The following ACAD10 variants were observed in gnomAD, a reference collection of about 807,000 sequenced individuals.
The protein encoded by ACAD10 is ACAD-10.
A neutral mutation model predicts 116.8 loss-of-function variants in ACAD10; 112 were observed. That is an observed-to-expected ratio of 0.96 (90% CI 0.82 to 1.12). ACAD10 has a LOEUF of 1.12. ACAD10 is among the 50% of genes most tolerant of loss of function. ACAD10 has a pLI of 0.00. For synonymous variants in ACAD10, 486 were observed against 510.6 expected (o/e 0.95, Z 0.65); for missense variants, 1,259 against 1,350.2 (o/e 0.93, Z 1.06).
intron 8 of ACAD10, among the ~76,000 whole-genome samples, chr12:111,722,926 C>T (rs1379408603): frequency 7.3e-5 from 11 of 151,392 alleles, no homozygotes; most frequent in African/African-American, 2.2e-4. Flanking sequence ...GGGTGGTGGC[C>T]GGGCAGAGGG....
Position 111,712,587 on chromosome 12 carries a change from A to G in ACAD10, c.780A>G (p.Lys260=). The change falls in exon 6 of 21, where the codon AAA becomes AAG. Residue 260 remains lysine (K), a synonymous_variant. Transcript: ENST00000313698. Reference sequence around the variant, plus strand: ...GTGTTCCAAACACTCGGCCTGTGAAAAAGACGATGGAAATTCCGAAAGATT... The same window carrying G: ...GTGTTCCAAACACTCGGCCTGTGAAGAAGACGATGGAAATTCCGAAAGATT... ...RVGVPNTRPV[K]KTMEIPKDSL... is the part of the protein sequence containing the mutation. 1 of 1,614,184 alleles carries G rather than the reference A, an allele frequency of 6.2e-7. No homozygotes were observed. The highest frequency in any genetic ancestry group is 1.3e-5 in the African/African-American group (1 of 75,060).
At position 111,715,859 on chromosome 12, in the gene ACAD10, A is replaced by C. The variant is rs772975056; in HGVS notation, c.889A>C (p.Asn297His). The change falls in exon 7 of 21, where the codon AAT becomes CAT. Residue 297 changes from asparagine (N) to histidine (H), a missense_variant. By Grantham distance (68) the Asn-to-His change is moderately conservative. Transcript: ENST00000313698. ...ACTTCAGTTTGATCACGGGCAGTCA[A>C]ATCCAACTTACTACATCAGGCTGGC... ...ELLQFDHGQS[N>H]PTYYIRLANR... 1.2e-5 allele frequency: 20 copies of C among 1,614,016 alleles called. No individual in the cohort carries two copies. The highest frequency in any genetic ancestry group is 1.7e-5 in the Non-Finnish European group (20 of 1,180,040).
In ACAD10 at chr12:111,746,182, A is replaced by C. The variant is rs1460405339; in HGVS notation, c.2154A>C (p.Leu718=). The change falls in exon 14 of 21, where the codon CTA becomes CTC. Residue 718 remains leucine, a synonymous_variant. Coordinates refer to ENST00000313698, the MANE Select transcript of ACAD10 (RefSeq NM_025247.6). The stretch of plus-strand genomic sequence containing the variant: ...CTGAAGGACTTTGGAACCTTTTCCT[A>C]CCCTTAGAGGCTGATCCCGAGAAAA... ...AKAEGLWNLF[L]PLEADPEKKY... is the part of the protein sequence containing the mutation. 2.5e-6 allele frequency: 4 copies of C among 1,613,744 alleles called. No homozygotes were observed. Among genetic ancestry groups the C allele is most frequent in the African/African-American group, 2.7e-5 (2 of 74,852 alleles).
At chr12:111,746,921 G>A in intron 14 of ACAD10, 128 bp from the exon 15 acceptor site, 2 of 1,279,826 alleles carry the variant, frequency 1.6e-6, no homozygotes, top group Admixed American at 5.1e-5. Context: ...GATGGCTTGA[G>A]CTGAGGAAGT....
At chr12:111,732,525 CA>C (rs1889418623) in intron 10 of ACAD10, among the ~76,000 whole-genome samples, 1 of 152,056 alleles carries the variant, frequency 6.6e-6, no homozygotes, top group Non-Finnish European at 1.5e-5. Context: ...GCAAATGTAA[CA>C]AAAAAGCACG....
intron 17 of ACAD10, chr12:111,748,790 C>A (rs963669212): frequency 1.1e-5 from 6 of 554,622 alleles, no homozygotes; most frequent in African/African-American, 9.4e-5. Flanking sequence ...CCAGTGTGAA[C>A]AGCTGACCTC....
At chr12:111,687,614 A>G (rs1019857784) in intron 1 of ACAD10, among the ~76,000 whole-genome samples, 3 of 152,188 alleles carry the variant, frequency 2.0e-5, no homozygotes, top group Admixed American at 2.0e-4. Context: ...CTTTTTTAGT[A>G]TATTACTATA....
At chr12:111,743,017 T>C (rs1467169913) in intron 12 of ACAD10, among the ~76,000 whole-genome samples, 1 of 151,974 alleles carries the variant, frequency 6.6e-6, no homozygotes, top group African/African-American at 2.4e-5. Flanking sequence ...TAAAATGAAA[T>C]CATTTAAAAA....
At chr12:111,718,036 C>CTTTTTGTTTTTTTT (rs1888894597) in intron 7 of ACAD10, among the ~76,000 whole-genome samples, 1 of 63,680 alleles carries the variant, frequency 1.6e-5, no homozygotes, top group South Asian at 7.1e-4. Flanking sequence ...TAGTGATATC[C>CTTTTTGTTTTTTTT]TTTTTTTTTT....
intron 15 of ACAD10, 45 bp from the exon 16 acceptor site, chr12:111,747,250 G>T (rs1461627727): frequency 1.2e-6 from 2 of 1,613,106 alleles, no homozygotes; most frequent in African/African-American, 1.3e-5. Flanking sequence ...CAGGGAACAC[G>T]GGCTGTCTGC....
rs544536117 is a variant in ACAD10, at chr12:111,705,718, G to A, written c.337-20G>A. On this transcript the variant is annotated intron_variant, in intron 3 of 20. Coordinates refer to ENST00000313698, the MANE Select transcript of ACAD10 (RefSeq NM_025247.6). The stretch of plus-strand genomic sequence containing the variant: ...CACTCTTAATGATTGCTGTTCTCCT[G>A]TGCCCTCTCCTGTTCTTAGTTAAAG... 2.8e-5 allele frequency: 45 copies of A among 1,606,128 alleles called. No homozygotes were observed. The East Asian group carries it at 9.2e-4, about 33-fold the overall frequency.
rs1318713479 is a variant in ACAD10 at position 111,745,025 on chromosome 12, A to C, written c.2097A>C (p.Pro699=). The C allele has an allele frequency of 1.9e-6, 3 of 1,613,418 alleles. No individual in the cohort carries two copies. Among genetic ancestry groups the C allele is most frequent in the South Asian group, 1.1e-5 (1 of 91,082 alleles). The stretch of plus-strand genomic sequence containing the variant: ...CAGCAGCCAGGTGGAGCCCCTCCCC[A>C]CTGATCGAAGACCTCAAGGTAAAGC... ...QASAARWSPS[P]LIEDLKEKAK... is the part of the protein sequence containing the mutation. Residue 699 remains proline (P), a synonymous_variant, in exon 13 of 21, where the codon CCA becomes CCC. Transcript: ENST00000313698.
intron 20 of ACAD10, 76 bp downstream of exon 20, chr12:111,755,821 A>G: frequency 1.4e-6 from 2 of 1,394,346 alleles, no homozygotes. Context: ...TCAGCCGCCC[A>G]GCCTCCCATA....
chr12:111,715,597 C>T (rs527263649), intron 6 of ACAD10: 2 of 526,404 alleles, frequency 3.8e-6, no homozygotes, highest in Admixed American at 3.1e-5. Flanking sequence ...AAATGAATGG[C>T]CTTTGACAAA....
intron 13 of ACAD10, 175 bp downstream of exon 13, chr12:111,745,218 T>G: frequency 1.4e-6 from 1 of 722,126 alleles, no homozygotes; most frequent in Non-Finnish European, 2.2e-6. Flanking sequence ...TTTCCATCTC[T>G]TGCTCTTGCT....
At chr12:111,722,394 TA>T (rs1292079810) in intron 8 of ACAD10, among the ~76,000 whole-genome samples, 2 of 151,896 alleles carry the variant, frequency 1.3e-5, no homozygotes, top group African/African-American at 4.8e-5. Context: ...TTTATTTATT[TA>T]TTTATTTTTT....
intron 1 of ACAD10, 108 bp from the exon 2 acceptor site, chr12:111,692,589 G>A (rs1223059765): frequency 2.7e-6 from 3 of 1,114,478 alleles, no homozygotes; most frequent in Non-Finnish European, 3.9e-6. Context: ...CGAAGTGCCT[G>A]TTGGAGATGG....
chr12:111,701,340 G>A (rs1229205942), intron 2 of ACAD10, among the ~76,000 whole-genome samples: 1 of 152,156 alleles, frequency 6.6e-6, no homozygotes, highest in South Asian at 2.1e-4. Flanking sequence ...TCCATCCACT[G>A]CCTTAGCTCT....
At chr12:111,750,710 T>C (rs1322112447) in intron 18 of ACAD10, among the ~76,000 whole-genome samples, 1 of 152,232 alleles carries the variant, frequency 6.6e-6, no homozygotes, top group Non-Finnish European at 1.5e-5. Context: ...GAAAACTTTA[T>C]TCGGCCATAA....
Sources: gnomAD v4.1 joint callset for allele counts (sites outside exome capture counted in the v4.1 genomes callset) on GRCh38, gnomAD v4.1.1 for gene constraint, MANE v1.5 for transcripts, NCBI Gene and HGNC (gene_info 2026-07-23, HGNC 2026-07-21) for gene names.